DOCK1: variants seen among roughly 807,000 people sequenced by gnomAD.
DOCK1 encodes dedicator of cytokinesis protein 1.
DOCK1 carries 138 observed loss-of-function variants against 262.7 expected under a neutral mutation model. That is an observed-to-expected ratio of 0.53 (90% CI 0.46 to 0.61). DOCK1 has a LOEUF of 0.61. Ranked by LOEUF, DOCK1 falls within the 20% of genes least tolerant of loss-of-function variation. DOCK1 has a pLI of 0.00. For missense variants in DOCK1, 1,908 were observed against 2,370.7 expected (o/e 0.80, Z 4.05); for synonymous variants, 866 against 867.4 (o/e 1.00, Z 0.03).
chr10:127,191,159 A>G (rs575038791), intron 27 of DOCK1, among the ~76,000 whole-genome samples: 3 of 152,122 alleles, frequency 2.0e-5, no homozygotes, highest in Non-Finnish European at 2.9e-5. Context: ...CAGGAGTGCA[A>G]TCTCAAGCAT....
chr10:126,930,653 A>G (rs2034118779), intron 1 of DOCK1, among the ~76,000 whole-genome samples: 1 of 152,228 alleles, frequency 6.6e-6, no homozygotes, highest in African/African-American at 2.4e-5. Flanking sequence ...TTGCATGGGC[A>G]AGGCCTGGCC....
intron 23 of DOCK1, among the ~76,000 whole-genome samples, chr10:127,065,019 C>CT (rs993131990): frequency 1.3e-5 from 2 of 151,734 alleles, no homozygotes; most frequent in South Asian, 2.1e-4. Context: ...GGCTTTTTTT[C>CT]TTTTTTTTGA....
In DOCK1 at chr10:127,128,547, C is replaced by G. The variant is rs58030162; in HGVS notation, c.2847+783C>G. Among the ~76,000 whole-genome samples the G allele has an allele frequency of 6.1e-3, 930 of 152,178 alleles. 48 individuals are homozygous for G. The East Asian group carries it at 0.12, about 20-fold the overall frequency. ...TAATGCTCTCCCTCCATTTGCCCCC[C>G]ACTCCCCAGCAGGCCCCGGTGTGTG... On this transcript the variant is annotated intron_variant, in intron 27 of 51. Coordinates refer to ENST00000623213, the MANE Select transcript of DOCK1 (RefSeq NM_001290223.2).
intron 47 of DOCK1, among the ~76,000 whole-genome samples, chr10:127,429,862 G>A (rs1219724055): frequency 6.6e-6 from 1 of 152,238 alleles, no homozygotes; most frequent in Non-Finnish European, 1.5e-5. Context: ...CCAGCCCACA[G>A]CGTGCAGGAG....
chr10:126,961,339 G>A (rs996754473), intron 1 of DOCK1, among the ~76,000 whole-genome samples: 2 of 152,282 alleles, frequency 1.3e-5, no homozygotes, highest in South Asian at 4.2e-4. Flanking sequence ...TGTAATCCCA[G>A]CACTTTGGGA....
intron 27 of DOCK1, among the ~76,000 whole-genome samples, chr10:127,162,128 G>T (rs1433714824): frequency 2.6e-5 from 4 of 152,216 alleles, no homozygotes; most frequent in African/African-American, 9.6e-5. Flanking sequence ...TCTTTCGCCT[G>T]CAGATATATG....
intron 27 of DOCK1, among the ~76,000 whole-genome samples, chr10:127,178,854 C>G (rs1309084287): frequency 6.6e-6 from 1 of 152,108 alleles, no homozygotes; most frequent in Non-Finnish European, 1.5e-5. Flanking sequence ...AGATTCTTAT[C>G]CCAGCAGGTT....
intron 28 of DOCK1, among the ~76,000 whole-genome samples, chr10:127,250,085 G>C (rs1262932000): frequency 6.6e-6 from 1 of 152,172 alleles, no homozygotes; most frequent in Non-Finnish European, 1.5e-5. Context: ...GTAAAGCATA[G>C]TTGTAGCTTA....
intron 39 of DOCK1, 86 bp downstream of exon 39, chr10:127,403,230 G>A (rs1293405543): frequency 2.9e-6 from 4 of 1,398,102 alleles, no homozygotes; most frequent in Non-Finnish European, 3.9e-6. Context: ...TCAATGTTAG[G>A]GTTCACCCCA....
At chr10:127,181,664 T>C (rs1223496663) in intron 27 of DOCK1, among the ~76,000 whole-genome samples, 2 of 152,180 alleles carry the variant, frequency 1.3e-5, no homozygotes, top group Admixed American at 6.5e-5. Context: ...TTTTCTTCCA[T>C]ATGCCAAGGG....
chr10:127,409,465 A>G, intron 42 of DOCK1, 74 bp downstream of exon 42: 1 of 1,498,200 alleles, frequency 6.7e-7, no homozygotes, highest in South Asian at 1.1e-5. Flanking sequence ...TAATAATTCC[A>G]CCTTTTAAAG....
intron 1 of DOCK1, among the ~76,000 whole-genome samples, chr10:126,945,472 G>GGAGA (rs1246507350): frequency 6.7e-6 from 1 of 149,442 alleles, no homozygotes; most frequent in South Asian, 2.1e-4. Context: ...AGAGAGAGAG[G>GGAGA]GAGAGAGAGA....
intron 29 of DOCK1, among the ~76,000 whole-genome samples, chr10:127,323,047 G>T (rs2062603630): frequency 6.6e-6 from 1 of 151,546 alleles, no homozygotes; most frequent in African/African-American, 2.4e-5. Context: ...AGTTCTGGAT[G>T]ATTGATCAAT....
intron 27 of DOCK1, among the ~76,000 whole-genome samples, chr10:127,215,960 A>G (rs116927776): frequency 6.7e-4 from 102 of 152,176 alleles, no homozygotes; most frequent in Non-Finnish European, 1.2e-3. Context: ...GTGGTTCTGA[A>G]TATTCGTTTG....
At chr10:127,110,497 C>T in intron 25 of DOCK1, 143 bp downstream of exon 25, 1 of 717,934 alleles carries the variant, frequency 1.4e-6, no homozygotes, top group Non-Finnish European at 2.4e-6. Context: ...GAAGATTTAG[C>T]CCTTACAAGA....
chr10:127,197,662 C>T (rs1362364398), intron 27 of DOCK1, among the ~76,000 whole-genome samples: 1 of 152,110 alleles, frequency 6.6e-6, no homozygotes, highest in East Asian at 1.9e-4. Flanking sequence ...CTTCACCCAC[C>T]CACCTCTCCA....
intron 27 of DOCK1, among the ~76,000 whole-genome samples, chr10:127,215,835 C>A (rs2058184431): frequency 2.0e-5 from 3 of 149,298 alleles, no homozygotes; most frequent in Admixed American, 2.0e-4. Context: ...CCCCCCCTCA[C>A]CCCCCAGAAA....
intron 1 of DOCK1, among the ~76,000 whole-genome samples, chr10:126,938,291 G>A (rs985252341): frequency 1.3e-5 from 2 of 152,142 alleles, no homozygotes; most frequent in African/African-American, 2.4e-5. Flanking sequence ...CAGGTGATCC[G>A]CCCGCCTCAG....
intron 16 of DOCK1, among the ~76,000 whole-genome samples, chr10:127,030,824 A>ATCTCTG (rs1564746798): frequency 6.8e-6 from 1 of 148,118 alleles, no homozygotes. Flanking sequence ...CTCTGTCTCT[A>ATCTCTG]TCTCTATCTC....
Sources: allele counts gnomAD v4.1 joint callset (sites outside exome capture counted in the v4.1 genomes callset), GRCh38; gene constraint gnomAD v4.1.1; transcripts MANE v1.5; gene names NCBI Gene and HGNC (gene_info 2026-07-23, HGNC 2026-07-21).